Variants in DIP2B observed in about 807,000 individuals in gnomAD.
DIP2B encodes the protein DIP2 acetate--CoA ligase B (putative), also known as disco-interacting protein 2 homolog B.
A neutral mutation model predicts 198.0 loss-of-function variants in DIP2B; 76 were observed. The observed-to-expected ratio is 0.38, with a 90% CI of 0.32 to 0.46. The LOEUF (loss-of-function observed/expected upper bound fraction) is 0.46, where lower values mean the gene tolerates loss of function less well. DIP2B is among the 20% of genes least tolerant of loss of function. The pLI is 0.99. For missense variants in DIP2B, 1,559 were observed against 1,978.4 expected, an observed-to-expected ratio of 0.79 and a Z score of 4.02; for synonymous variants, 701 against 739.1, an observed-to-expected ratio of 0.95 and a Z score of 0.84.
rs1939354975 is a variant in DIP2B at position 50,698,326 on chromosome 12, A to G, written c.2049-2A>G. 1 of 1,609,050 alleles carries G rather than the reference A, an allele frequency of 6.2e-7. No individual in the cohort carries two copies. The highest frequency in any genetic ancestry group is 1.7e-5 in the Admixed American group (1 of 58,980). On this transcript the variant is annotated splice_acceptor_variant, in intron 17 of 37. Coordinates refer to ENST00000301180, the MANE Select transcript of DIP2B (RefSeq NM_173602.3). LOFTEE classifies it high-confidence loss of function. ...CCAAACTTGATGGGTTCTTCTTTTC[A>G]GGCCTGGAGTTCCAGGAGCCCCTTT...
intron 13 of DIP2B, 148 bp from the exon 14 acceptor site, chr12:50,692,801 C>T: frequency 3.0e-6 from 2 of 656,380 alleles, no homozygotes; most frequent in Non-Finnish European, 5.2e-6. Context: ...TGCATCACTG[C>T]ACTCCAGCCT....
chr12:50,559,089 A>G (rs1958495447), intron 1 of DIP2B, among the ~76,000 whole-genome samples: 1 of 152,168 alleles, frequency 6.6e-6, no homozygotes, highest in African/African-American at 2.4e-5. Flanking sequence ...AATTCTTTCC[A>G]TACCCAGTAG....
intron 1 of DIP2B, among the ~76,000 whole-genome samples, chr12:50,581,499 G>A (rs1364441643): frequency 6.7e-6 from 1 of 149,280 alleles, no homozygotes; most frequent in Admixed American, 6.9e-5. Context: ...GGTTTCCAAA[G>A]AGGGAGAGTA....
At chr12:50,736,916 C>A in intron 34 of DIP2B, 120 bp from the exon 35 acceptor site, 1 of 887,834 alleles carries the variant, frequency 1.1e-6, no homozygotes, top group Non-Finnish European at 1.8e-6. Context: ...TGTGATGCCG[C>A]TACAGCTGGC....
chr12:50,567,085 G>A (rs1344204278), intron 1 of DIP2B, among the ~76,000 whole-genome samples: 1 of 150,036 alleles, frequency 6.7e-6, no homozygotes, highest in Non-Finnish European at 1.5e-5. Context: ...GATTTAGCTT[G>A]TATTGTGATC....
At chr12:50,733,066 C>T (rs561225371) in intron 32 of DIP2B, among the ~76,000 whole-genome samples, 4 of 151,882 alleles carry the variant, frequency 2.6e-5, no homozygotes, top group South Asian at 2.1e-4. Flanking sequence ...CCACCACGCC[C>T]GGCTATTTTT....
chr12:50,649,133 T>C (rs1593686080), intron 3 of DIP2B, among the ~76,000 whole-genome samples: 1 of 152,318 alleles, frequency 6.6e-6, no homozygotes, highest in South Asian at 2.1e-4. Flanking sequence ...AGATCCCTTG[T>C]TCTTAGGGCA....
intron 10 of DIP2B, among the ~76,000 whole-genome samples, chr12:50,685,441 A>T (rs934435530): frequency 6.6e-6 from 1 of 152,154 alleles, no homozygotes; most frequent in Admixed American, 6.5e-5. Context: ...CATTTACATT[A>T]TTTATTTTGT....
At position 50,564,444 on chromosome 12, in the gene DIP2B, A is replaced by G. The variant is rs758613019; in HGVS notation, c.100+59204A>G. Among the ~76,000 whole-genome samples, 3 of 152,196 alleles carry G rather than the reference A, an allele frequency of 2.0e-5. No homozygotes were observed. The South Asian group carries it at 6.2e-4, about 31-fold the overall frequency. ...TTTGGGCACTTTTTCAGATTGTGCAACATTTCCTATTTCTTCAGAAATAGG... is the reference window on the plus strand; with the variant it reads ...TTTGGGCACTTTTTCAGATTGTGCAGCATTTCCTATTTCTTCAGAAATAGG... On this transcript the variant is annotated intron_variant, in intron 1 of 37. Transcript: ENST00000301180.
intron 3 of DIP2B, among the ~76,000 whole-genome samples, chr12:50,655,654 G>A (rs990674993): frequency 2.0e-5 from 3 of 152,186 alleles, no homozygotes; most frequent in African/African-American, 7.2e-5. Flanking sequence ...CTGAACACTA[G>A]TTAGAAGATT....
intron 1 of DIP2B, among the ~76,000 whole-genome samples, chr12:50,515,362 C>G (rs1958054970): frequency 6.6e-6 from 1 of 151,948 alleles, no homozygotes; most frequent in Admixed American, 6.6e-5. Context: ...TCCCAAGTAG[C>G]TGGGATTAAC....
In DIP2B at chr12:50,555,638, G is replaced by C. The variant is rs139063615; in HGVS notation, c.100+50398G>C. On this transcript the variant is annotated intron_variant, in intron 1 of 37. Coordinates refer to ENST00000301180, the MANE Select transcript of DIP2B (RefSeq NM_173602.3). ...TTTATCTGCCTTTTATCTATTTGTCGCCTCTGACTTCTGACTTTTACCCTC... is the reference window on the plus strand; with the variant it reads ...TTTATCTGCCTTTTATCTATTTGTCCCCTCTGACTTCTGACTTTTACCCTC... 2.0e-3 allele frequency among the ~76,000 whole-genome samples: 304 copies of C among 151,698 alleles called. 7 individuals carry two copies. In the East Asian group the frequency reaches 0.051, roughly 25 times the overall value.
intron 16 of DIP2B, among the ~76,000 whole-genome samples, chr12:50,696,421 A>C (rs1184990816): frequency 6.6e-6 from 1 of 152,164 alleles, no homozygotes; most frequent in Non-Finnish European, 1.5e-5. Context: ...GTTATACCAC[A>C]TTGTATTTAC....
chr12:50,737,420 CT>C (rs1419913754), intron 35 of DIP2B, among the ~76,000 whole-genome samples: 3 of 152,102 alleles, frequency 2.0e-5, no homozygotes, highest in African/African-American at 7.2e-5. Flanking sequence ...GAGTCACATA[CT>C]TACAAATTTT....
chr12:50,539,869 C>A (rs1958304571), intron 1 of DIP2B, among the ~76,000 whole-genome samples: 1 of 151,874 alleles, frequency 6.6e-6, no homozygotes, highest in African/African-American at 2.4e-5. Context: ...TATGAATTTT[C>A]TATGAGTGGA....
At chr12:50,620,267 C>T (rs987520842) in intron 1 of DIP2B, among the ~76,000 whole-genome samples, 3 of 152,180 alleles carry the variant, frequency 2.0e-5, no homozygotes, top group African/African-American at 4.8e-5. Flanking sequence ...GGCTCACGCA[C>T]GCCTCCTCAC....
At chr12:50,619,419 T>C (rs1315167140) in intron 1 of DIP2B, among the ~76,000 whole-genome samples, 1 of 152,186 alleles carries the variant, frequency 6.6e-6, no homozygotes, top group Non-Finnish European at 1.5e-5. Flanking sequence ...GTTAGGAATT[T>C]ATATCACCTT....
chr12:50,704,302 T>A, intron 20 of DIP2B, 82 bp downstream of exon 20: 1 of 1,396,664 alleles, frequency 7.2e-7, no homozygotes, highest in South Asian at 1.2e-5. Context: ...CAAATTCTGA[T>A]TAGTCCAAGA....
intron 26 of DIP2B, among the ~76,000 whole-genome samples, chr12:50,722,268 T>G (rs1484549805): frequency 1.1e-5 from 1 of 88,200 alleles, no homozygotes; most frequent in Non-Finnish European, 3.0e-5. Flanking sequence ...TTTTATTTTA[T>G]TTTATTTTAT....
Sources: allele counts gnomAD v4.1 joint callset (sites outside exome capture counted in the v4.1 genomes callset), GRCh38; gene constraint gnomAD v4.1.1; transcripts MANE v1.5; gene names NCBI Gene and HGNC (gene_info 2026-07-23, HGNC 2026-07-21).